Variants in RASGRF1 observed in about 807,000 individuals in gnomAD.
RASGRF1 encodes ras-specific guanine nucleotide-releasing factor 1.
RASGRF1 carries 40 observed loss-of-function variants against 138.7 expected under a neutral mutation model. The observed-to-expected ratio is 0.29, with a 90% CI of 0.22 to 0.38. RASGRF1 has a LOEUF of 0.38. RASGRF1 is among the 10% of genes least tolerant of loss of function. The pLI, the probability that RASGRF1 is intolerant of heterozygous loss-of-function variation, is 1.00. For missense variants in RASGRF1, 1,108 were observed against 1,650.4 expected (o/e 0.67, Z 5.69); for synonymous variants, 614 against 663.2 (o/e 0.93, Z 1.14).
At chr15:79,004,318 T>G in intron 14 of RASGRF1, 143 bp from the exon 15 acceptor site, 1 of 1,120,514 alleles carries the variant, frequency 8.9e-7, no homozygotes, top group Non-Finnish European at 1.2e-6. Flanking sequence ...CTTGAGCTGA[T>G]CCTCTGAGCA....
chr15:79,064,991 A>G (rs4778867), intron 1 of RASGRF1, among the ~76,000 whole-genome samples: 123,176 of 152,174 alleles, frequency 0.81, 50,155 homozygotes, highest in East Asian at 0.93. Context: ...GAGCCCACTG[A>G]AAGCCACCTC....
rs1459714913 is a variant in RASGRF1, at chr15:79,090,764, G to A, written c.-266C>T. 6.0e-6 allele frequency: 3 copies of A among 501,986 alleles called. No homozygotes were observed. Among genetic ancestry groups the A allele is most frequent in the East Asian group, 3.4e-5 (1 of 29,294 alleles). The allele number at this position is 501,986 out of a possible 1,614,324, so 31.1% of individuals were successfully genotyped here. A position where few individuals can be genotyped will look rare whatever the true frequency, so the allele number is the denominator to read the frequency against. On this transcript the variant is annotated 5_prime_UTR_variant, in exon 1 of 27. Transcript: ENST00000558480. ...TGCCGCCCGACCCTCCTCCGGTGCC[G>A]GGCAAACTGAGGGACTGGCGATCTG... is the stretch of plus-strand genomic sequence containing the variant.
In RASGRF1 at chr15:79,028,194, G is replaced by A. The variant is rs530812730; in HGVS notation, c.1263-335C>T. 5.5e-4 allele frequency among the ~76,000 whole-genome samples: 83 copies of A among 152,286 alleles called. 2 individuals are homozygous for A. The South Asian group carries it at 0.016, about 29-fold the overall frequency. On this transcript the variant is annotated intron_variant, in intron 8 of 26. Coordinates refer to ENST00000558480, the MANE Select transcript of RASGRF1 (RefSeq NM_001145648.3). ...TAGAACAGACAGCAGGTGCAGCTCA[G>A]CACTGGGAAGGATATGGGAGCACAG...
chr15:79,069,656 G>C (rs146985007), intron 1 of RASGRF1, among the ~76,000 whole-genome samples: 1 of 152,312 alleles, frequency 6.6e-6, no homozygotes, highest in East Asian at 1.9e-4. Flanking sequence ...TATCAGAATA[G>C]TAAAGACTAT....
chr15:78,982,227 G>A (rs2056051095), intron 23 of RASGRF1, among the ~76,000 whole-genome samples: 1 of 152,218 alleles, frequency 6.6e-6, no homozygotes, highest in Non-Finnish European at 1.5e-5. Context: ...GGAGGTCCCA[G>A]TGGCCATGCA....
intron 24 of RASGRF1, among the ~76,000 whole-genome samples, chr15:78,976,351 A>G (rs1185772626): frequency 6.6e-6 from 1 of 152,216 alleles, no homozygotes; most frequent in African/African-American, 2.4e-5. Flanking sequence ...CTTGGGCCAC[A>G]CGTAAAATAC....
chr15:79,049,633 A>T, intron 3 of RASGRF1, 45 bp from the exon 4 acceptor site: 1 of 1,556,034 alleles, frequency 6.4e-7, no homozygotes, highest in Non-Finnish European at 8.8e-7. Flanking sequence ...GCTGGCTCAC[A>T]GAGGCCCCAG....
At chr15:78,972,060 T>C in intron 25 of RASGRF1, 126 bp from the exon 26 acceptor site, 1 of 820,604 alleles carries the variant, frequency 1.2e-6, no homozygotes, top group Admixed American at 1.7e-5. Context: ...ACATGTTGCC[T>C]CCTGGAAGGT....
intron 2 of RASGRF1, among the ~76,000 whole-genome samples, chr15:79,061,468 T>C (rs1052158437): frequency 7.1e-6 from 1 of 141,060 alleles, no homozygotes; most frequent in Non-Finnish European, 1.5e-5. Context: ...ATGTACATAT[T>C]GTAGAAAGCG....
chr15:79,016,518 A>T (rs1175927876), intron 12 of RASGRF1, among the ~76,000 whole-genome samples: 1 of 152,214 alleles, frequency 6.6e-6, no homozygotes, highest in African/African-American at 2.4e-5. Context: ...CTTCACTGGC[A>T]TCCACAACGG....
intron 23 of RASGRF1, among the ~76,000 whole-genome samples, chr15:78,983,819 C>T (rs1034422116): frequency 3.9e-5 from 6 of 152,246 alleles, no homozygotes; most frequent in Non-Finnish European, 7.3e-5. Flanking sequence ...CTGGAGCCCA[C>T]AAACAAGAGT....
intron 1 of RASGRF1, among the ~76,000 whole-genome samples, chr15:79,085,641 C>A (rs546084390): frequency 6.6e-6 from 1 of 152,208 alleles, no homozygotes; most frequent in South Asian, 2.1e-4. Context: ...AAGTCTCAGG[C>A]AGGGTTCCAT....
intron 1 of RASGRF1, among the ~76,000 whole-genome samples, chr15:79,084,023 C>T (rs901374700): frequency 2.0e-5 from 3 of 152,170 alleles, no homozygotes; most frequent in African/African-American, 7.2e-5. Context: ...AGTAATAACT[C>T]ATGGTGAAGG....
At chr15:78,986,957 A>T (rs1357634284) in intron 22 of RASGRF1, among the ~76,000 whole-genome samples, 1 of 152,244 alleles carries the variant, frequency 6.6e-6, no homozygotes, top group Non-Finnish European at 1.5e-5. Flanking sequence ...ACTTAAAAAG[A>T]ATTTTATATA....
At chr15:79,041,937 A>G (rs1271480235) in intron 5 of RASGRF1, among the ~76,000 whole-genome samples, 1 of 152,204 alleles carries the variant, frequency 6.6e-6, no homozygotes, top group Non-Finnish European at 1.5e-5. Flanking sequence ...ACTGCCAATC[A>G]GTCAGCGCAG....
At chr15:79,057,996 A>G (rs914290732) in intron 3 of RASGRF1, among the ~76,000 whole-genome samples, 1 of 152,228 alleles carries the variant, frequency 6.6e-6, no homozygotes, top group African/African-American at 2.4e-5. Flanking sequence ...TGACACAGTA[A>G]CTAGGAGCTT....
intron 1 of RASGRF1, among the ~76,000 whole-genome samples, chr15:79,068,492 T>C (rs1385975195): frequency 2.0e-5 from 2 of 98,246 alleles, no homozygotes. Flanking sequence ...TATATATATA[T>C]ACACACACAC....
chr15:79,000,786 GCT>G (rs1385754436), intron 16 of RASGRF1, among the ~76,000 whole-genome samples: 1 of 152,184 alleles, frequency 6.6e-6, no homozygotes, highest in Non-Finnish European at 1.5e-5. Flanking sequence ...CTCTCCATGA[GCT>G]CTGTTTCTGT....
intron 24 of RASGRF1, among the ~76,000 whole-genome samples, chr15:78,977,707 G>A (rs1216648482): frequency 6.6e-6 from 1 of 152,214 alleles, no homozygotes; most frequent in Non-Finnish European, 1.5e-5. Context: ...AAGGGGAAAG[G>A]CTTTCACTGC....
Sources: allele counts gnomAD v4.1 joint callset (sites outside exome capture counted in the v4.1 genomes callset), GRCh38; gene constraint gnomAD v4.1.1; transcripts MANE v1.5; gene names NCBI Gene and HGNC (gene_info 2026-07-23, HGNC 2026-07-21).